The following EPB41L2 variants were observed in gnomAD, a reference collection of about 807,000 sequenced individuals.
EPB41L2 encodes the protein band 4.1-like protein 2.
Under a neutral mutation model 113.0 loss-of-function variants are expected in EPB41L2, and 43 were observed. That is an observed-to-expected ratio of 0.38 (90% CI 0.30 to 0.49). The LOEUF is 0.49. Among genes scored for constraint, EPB41L2 ranks in the 20% least tolerant of loss-of-function variants. The pLI, the probability that EPB41L2 is intolerant of heterozygous loss-of-function variation, is 0.95. For synonymous variants in EPB41L2, 442 were observed against 436.7 expected, an observed-to-expected ratio of 1.01 and a Z score of -0.15; for missense variants, 1,147 against 1,223.4, an observed-to-expected ratio of 0.94 and a Z score of 0.93.
chr6:130,998,397 C>A (rs1783631753), intron 1 of EPB41L2, among the ~76,000 whole-genome samples: 1 of 152,064 alleles, frequency 6.6e-6, no homozygotes, highest in Non-Finnish European at 1.5e-5. Context: ...TTGGGATACA[C>A]CCACCCAAGA....
chr6:130,974,298 C>T lies in EPB41L2; in HGVS notation c.-14-17799G>A, dbSNP rs546651160. On this transcript the variant is annotated intron_variant, in intron 1 of 19. Coordinates refer to ENST00000337057, the MANE Select transcript of EPB41L2 (RefSeq NM_001431.4). ...TCAGTAAGCAAAGAAGAGCCCTTAC[C>T]AGAAATTCTACAACTTAGAGTAACT... 2.6e-4 allele frequency among the ~76,000 whole-genome samples: 39 copies of T among 152,122 alleles called. 1 individual carries two copies. The South Asian group carries it at 8.1e-3, about 32-fold the overall frequency.
intron 16 of EPB41L2, among the ~76,000 whole-genome samples, chr6:130,866,802 A>G (rs755195169): frequency 3.9e-5 from 6 of 152,236 alleles, no homozygotes; most frequent in Non-Finnish European, 8.8e-5. Flanking sequence ...AAACATCTTA[A>G]TGCTTATTCC....
intron 5 of EPB41L2, 67 bp from the exon 6 acceptor site, chr6:130,904,607 A>G (rs544095375): frequency 1.8e-6 from 2 of 1,126,188 alleles, no homozygotes; most frequent in South Asian, 1.6e-5. Context: ...GATAAAATTT[A>G]AAGGTCAAGG....
intron 3 of EPB41L2, among the ~76,000 whole-genome samples, chr6:130,932,320 TA>T (rs5880044): frequency 3.4e-4 from 50 of 148,408 alleles, no homozygotes; most frequent in African/African-American, 4.9e-4. Flanking sequence ...ACATTGCTTT[TA>T]AAAAAAAAAA....
chr6:130,909,105 G>A (rs1378121567), intron 4 of EPB41L2, among the ~76,000 whole-genome samples: 1 of 152,106 alleles, frequency 6.6e-6, no homozygotes, highest in African/African-American at 2.4e-5. Context: ...GGGTCCCATG[G>A]GCCTCATTCT....
At chr6:130,887,735 C>T (rs1791515939) in intron 11 of EPB41L2, among the ~76,000 whole-genome samples, 1 of 152,218 alleles carries the variant, frequency 6.6e-6, no homozygotes, top group Non-Finnish European at 1.5e-5. Flanking sequence ...TCTCAACTGA[C>T]CTGGTTCTTC....
At chr6:130,880,293 A>G in intron 12 of EPB41L2, 87 bp from the exon 13 acceptor site, 2 of 800,260 alleles carry the variant, frequency 2.5e-6, no homozygotes, top group Non-Finnish European at 4.2e-6. Flanking sequence ...CCAGAGTTCG[A>G]CAGTCTAAGA....
At chr6:130,863,942 TG>T (rs1464872976) in intron 17 of EPB41L2, among the ~76,000 whole-genome samples, 1 of 152,226 alleles carries the variant, frequency 6.6e-6, no homozygotes, top group African/African-American at 2.4e-5. Flanking sequence ...ATCCCTCAGC[TG>T]AGAGCAACCT....
intron 1 of EPB41L2, among the ~76,000 whole-genome samples, chr6:131,058,084 A>G (rs1235934506): frequency 3.9e-5 from 6 of 152,228 alleles, no homozygotes; most frequent in African/African-American, 1.2e-4. Flanking sequence ...TTTTGACTTT[A>G]TGGCTCTAAT....
At chr6:130,898,274 G>C (rs1207607065) in intron 8 of EPB41L2, among the ~76,000 whole-genome samples, 4 of 152,128 alleles carry the variant, frequency 2.6e-5, no homozygotes, top group African/African-American at 4.8e-5. Flanking sequence ...GAAAAAGAGT[G>C]CTTTGTAAAT....
intron 1 of EPB41L2, among the ~76,000 whole-genome samples, chr6:130,988,410 T>A (rs1781072101): frequency 6.6e-6 from 1 of 152,190 alleles, no homozygotes; most frequent in Non-Finnish European, 1.5e-5. Flanking sequence ...CCCAGAGGTA[T>A]GAGAGATTAA....
At chr6:130,969,027 T>C (rs954010949) in intron 1 of EPB41L2, among the ~76,000 whole-genome samples, 1 of 152,264 alleles carries the variant, frequency 6.6e-6, no homozygotes, top group African/African-American at 2.4e-5. Context: ...AATGTAACTT[T>C]CCTTGTGATC....
At chr6:130,969,410 A>G (rs9402304) in intron 1 of EPB41L2, among the ~76,000 whole-genome samples, 119,229 of 152,130 alleles carry the variant, frequency 0.78, 47,239 homozygotes, top group East Asian at 1. Flanking sequence ...GGATCTTTTT[A>G]AAGACTGCTA....
chr6:130,972,866 G>T (rs1777183862), intron 1 of EPB41L2, among the ~76,000 whole-genome samples: 2 of 150,392 alleles, frequency 1.3e-5, no homozygotes, highest in Admixed American at 6.7e-5. Context: ...GGCCAAGGTG[G>T]GTGGATCACG....
intron 17 of EPB41L2, 90 bp downstream of exon 17, chr6:130,865,446 G>C: frequency 7.9e-7 from 1 of 1,264,410 alleles, no homozygotes; most frequent in Non-Finnish European, 1.1e-6. Context: ...TATCTTACTT[G>C]GAAGTGTGTA....
intron 1 of EPB41L2, among the ~76,000 whole-genome samples, chr6:131,037,351 T>C (rs149579312): frequency 8.8e-4 from 134 of 152,272 alleles, no homozygotes; most frequent in Middle Eastern, 3.4e-3. Context: ...GACAGAGGTA[T>C]TAACGCTACT....
chr6:130,943,296 G>A (rs1380632563), intron 3 of EPB41L2, among the ~76,000 whole-genome samples: 1 of 152,110 alleles, frequency 6.6e-6, no homozygotes, highest in African/African-American at 2.4e-5. Context: ...ATTCTAACTG[G>A]CGTGAGTACA....
intron 3 of EPB41L2, among the ~76,000 whole-genome samples, chr6:130,940,801 TCTC>T (rs1810569055): frequency 1.3e-5 from 2 of 152,198 alleles, no homozygotes; most frequent in East Asian, 3.9e-4. Flanking sequence ...TCCAAAAGTT[TCTC>T]CTCAGTGAAG....
intron 15 of EPB41L2, chr6:130,867,864 G>T: frequency 2.8e-6 from 1 of 355,066 alleles, no homozygotes; most frequent in Non-Finnish European, 5.3e-6. Context: ...TTGACATGAT[G>T]GCTTCCTAAA....
Sources: allele counts gnomAD v4.1 joint callset (sites outside exome capture counted in the v4.1 genomes callset), GRCh38; gene constraint gnomAD v4.1.1; transcripts MANE v1.5; gene names NCBI Gene and HGNC (gene_info 2026-07-23, HGNC 2026-07-21).